WT1: variants seen among roughly 807,000 people sequenced by gnomAD.
WT1 encodes WT1 transcription factor.
In WT1, 8 loss-of-function variants were observed where a neutral mutation model predicts 60.8. The observed-to-expected ratio is 0.13, with a 90% CI of 0.08 to 0.24. The LOEUF is 0.24. WT1 is among the 10% of genes least tolerant of loss of function. The pLI is 1.00. For missense variants in WT1, 568 were observed against 711.8 expected, an observed-to-expected ratio of 0.80 and a Z score of 2.30; for synonymous variants, 312 against 297.1, an observed-to-expected ratio of 1.05 and a Z score of -0.52.
rs148844443 is a variant in WT1 at position 32,395,622 on chromosome 11, C to T, written c.1264+635G>A. ...AAGTACAGGTGCGTGCCACCACACC[C>T]GGCTCATTTTTGTATTTTTAGTAGA... On this transcript the variant is annotated intron_variant, in intron 7 of 9. Transcript: ENST00000452863. Among the ~76,000 whole-genome samples the T allele has an allele frequency of 5.4e-3, 820 of 152,112 alleles. 11 individuals carry two copies. Among genetic ancestry groups the T allele is most frequent in the African/African-American group, 0.019 (771 of 41,500 alleles).
chr11:32,428,407 C>A, intron 2 of WT1, 90 bp downstream of exon 2: 1 of 1,598,132 alleles, frequency 6.3e-7, no homozygotes, highest in Non-Finnish European at 8.5e-7. Flanking sequence ...TCCTCCTTTG[C>A]CTAATTTGCT....
chr11:32,389,331 C>G (rs1851751096), intron 9 of WT1, 152 bp from the exon 10 acceptor site: 5 of 1,329,536 alleles, frequency 3.8e-6, no homozygotes, highest in South Asian at 1.2e-5. Context: ...ATTTCCCAGG[C>G]AGCCTTGAAA....
chr11:32,423,477 C>T (rs1008280392), intron 3 of WT1, among the ~76,000 whole-genome samples: 4 of 152,208 alleles, frequency 2.6e-5, no homozygotes, highest in African/African-American at 9.6e-5. Flanking sequence ...CTGTTGAAAG[C>T]TACAGGTAAA....
intron 9 of WT1, among the ~76,000 whole-genome samples, chr11:32,391,262 A>C (rs568026199): frequency 6.6e-6 from 1 of 152,198 alleles, no homozygotes; most frequent in Non-Finnish European, 1.5e-5. Context: ...GATTACAGGC[A>C]TGAGCCACCA....
At chr11:32,400,161 G>A (rs1310015473) in intron 5 of WT1, 117 bp from the exon 6 acceptor site, 3 of 1,313,008 alleles carry the variant, frequency 2.3e-6, no homozygotes, top group African/African-American at 2.9e-5. Flanking sequence ...AAAAATAGTT[G>A]GTTTTTGCCT....
chr11:32,408,084 A>T (rs1420779772), intron 5 of WT1, among the ~76,000 whole-genome samples: 1 of 151,276 alleles, frequency 6.6e-6, no homozygotes, highest in Non-Finnish European at 1.5e-5. Context: ...TTAGCTGGGC[A>T]TGGTGGCATT....
chr11:32,432,359 T>C (rs1280969497), intron 1 of WT1, among the ~76,000 whole-genome samples: 3 of 152,164 alleles, frequency 2.0e-5, no homozygotes, highest in Non-Finnish European at 4.4e-5. Context: ...CCTGCATTCC[T>C]GGGGAAGCAG....
chr11:32,405,625 CA>C (rs1460774867), intron 5 of WT1, among the ~76,000 whole-genome samples: 1 of 122,784 alleles, frequency 8.1e-6, no homozygotes, highest in Admixed American at 8.3e-5. Flanking sequence ...CATCACCTTA[CA>C]CAAATGACAA....
At chr11:32,400,101 A>C in intron 5 of WT1, 57 bp from the exon 6 acceptor site, 1 of 1,585,730 alleles carries the variant, frequency 6.3e-7, no homozygotes, top group Non-Finnish European at 8.6e-7. Context: ...CCATTTGGAA[A>C]TGCTTATCTG....
chr11:32,400,270 G>GGAGGA, intron 5 of WT1: 1 of 617,672 alleles, frequency 1.6e-6, no homozygotes. Flanking sequence ...TCCGATTCTC[G>GGAGGA]TAGGCGTGCA....
At chr11:32,430,746 C>T in intron 1 of WT1, 4 of 1,343,042 alleles carry the variant, frequency 3.0e-6, no homozygotes, top group Non-Finnish European at 3.8e-6. Context: ...ACACGCAGAC[C>T]TCGGCGGGCA....
chr11:32,415,936 T>G (rs1238026009), intron 5 of WT1, among the ~76,000 whole-genome samples: 1 of 152,030 alleles, frequency 6.6e-6, no homozygotes, highest in Non-Finnish European at 1.5e-5. Context: ...GGCGGCTGGT[T>G]GTGGAGTTAA....
At chr11:32,428,977 A>G (rs1054762793) in intron 1 of WT1, 11 of 363,610 alleles carry the variant, frequency 3.0e-5, no homozygotes, top group South Asian at 4.8e-5. Flanking sequence ...TCACCCCCCA[A>G]AAATAAACTG....
Position 32,417,572 on chromosome 11 carries a change from C to T in WT1, c.965+5G>A, listed in dbSNP as rs2133036572. ...GGAAAGGCAATGGAATAGAGAAAAC[C>T]TTACCCCTTTAAGGTGGCTCCTAAG... On this transcript the variant is annotated splice_donor_5th_base_variant and intron_variant, in intron 4 of 9. Transcript: ENST00000452863. The T allele has an allele frequency of 1.2e-6, 2 of 1,613,196 alleles. No homozygotes were observed. The highest frequency in any genetic ancestry group is 1.7e-6 in the Non-Finnish European group (2 of 1,179,218).
chr11:32,428,720 C>G, intron 1 of WT1, 101 bp from the exon 2 acceptor site: 1 of 1,528,524 alleles, frequency 6.5e-7, no homozygotes, highest in East Asian at 2.4e-5. Context: ...GCGCTGAACC[C>G]CGCATTCGGA....
intron 7 of WT1, 114 bp from the exon 8 acceptor site, chr11:32,392,869 G>A (rs1851858080): frequency 2.2e-6 from 2 of 906,682 alleles, no homozygotes; most frequent in East Asian, 5.3e-5. Context: ...GCACTTCGCT[G>A]GAGCTTGTTA....
At chr11:32,398,119 T>G (rs1852029310) in intron 6 of WT1, among the ~76,000 whole-genome samples, 1 of 152,186 alleles carries the variant, frequency 6.6e-6, no homozygotes, top group Non-Finnish European at 1.5e-5. Context: ...ATTTCCGTAT[T>G]TCTGTAACCC....
At chr11:32,402,543 T>A (rs1852188020) in intron 5 of WT1, among the ~76,000 whole-genome samples, 1 of 152,230 alleles carries the variant, frequency 6.6e-6, no homozygotes, top group Non-Finnish European at 1.5e-5. Flanking sequence ...CAATGTGACT[T>A]ACACATTTTC....
In WT1 at chr11:32,435,408, C is replaced by A; in HGVS notation, c.-48G>T. On this transcript the variant is annotated 5_prime_UTR_variant, in exon 1 of 10. Transcript: ENST00000452863. ...GGCCCGGGCGCCTGGGCTGCCGTCC[C>A]GGCTCTGGGTGGGTGGGTGGGTGAA... The A allele has an allele frequency of 1.4e-6, 1 of 719,634 alleles. No homozygotes were observed. The highest frequency in any genetic ancestry group is 2.0e-5 in the South Asian group (1 of 51,032). The allele number at this position is 719,634 out of a possible 1,614,324, so 44.6% of individuals were successfully genotyped here. A position where few individuals can be genotyped will look rare whatever the true frequency, so the allele number is the denominator to read the frequency against.
Sources: gnomAD v4.1 joint callset for allele counts (sites outside exome capture counted in the v4.1 genomes callset) on GRCh38, gnomAD v4.1.1 for gene constraint, MANE v1.5 for transcripts, NCBI Gene and HGNC (gene_info 2026-07-23, HGNC 2026-07-21) for gene names.